ADAMDEC1: variants seen among roughly 807,000 people sequenced by gnomAD.
The protein encoded by ADAMDEC1 is ADAM like decysin 1.
ADAMDEC1 carries 62 observed loss-of-function variants against 60.4 expected under a neutral mutation model. The observed-to-expected ratio is 1.03, with a 90% CI of 0.84 to 1.27. ADAMDEC1 has a LOEUF of 1.27. Ranked by LOEUF, ADAMDEC1 falls within the 50% of genes most tolerant of loss-of-function variation. The pLI is 0.00. For missense variants in ADAMDEC1, 595 were observed against 565.0 expected, an observed-to-expected ratio of 1.05 and a Z score of -0.54; for synonymous variants, 210 against 195.1, an observed-to-expected ratio of 1.08 and a Z score of -0.64.
chr8:24,399,698 G>T (rs1817712678), intron 10 of ADAMDEC1, among the ~76,000 whole-genome samples: 1 of 152,134 alleles, frequency 6.6e-6, no homozygotes, highest in Non-Finnish European at 1.5e-5. Context: ...TTTAGTTCAT[G>T]TTAGAAAATC....
Position 24,397,366 on chromosome 8 carries a change from A to G in ADAMDEC1, c.537A>G (p.Glu179=). 1.2e-6 allele frequency: 2 copies of G among 1,614,122 alleles called. No homozygotes were observed. Among genetic ancestry groups the G allele is most frequent in the East Asian group, 2.2e-5 (1 of 44,874 alleles). ...CCGTCTTTACATCTAACCAGGAGGA[A>G]CAAGACCCAGCTAACCACACATGTG... is the stretch of plus-strand genomic sequence containing the variant. ...EHAVFTSNQE[E]QDPANHTCGV... The change falls in exon 6 of 14, where the codon GAA becomes GAG. Residue 179 remains glutamate, a synonymous_variant. Coordinates refer to ENST00000256412, the MANE Select transcript of ADAMDEC1 (RefSeq NM_014479.3).
chr8:24,398,582 T>G (rs1473809819), intron 8 of ADAMDEC1, 31 bp downstream of exon 8: 1 of 1,485,986 alleles, frequency 6.7e-7, no homozygotes. Flanking sequence ...ACCTCATGTT[T>G]CTGCATAGGG....
At position 24,398,876 on chromosome 8, in the gene ADAMDEC1, A is replaced by T. The variant is rs7001097; in HGVS notation, c.765A>T (p.Ile255=). The T allele has an allele frequency of 3.2e-3, 5,118 of 1,613,282 alleles. 145 individuals are homozygous for T. In the African/African-American group the frequency reaches 0.061, roughly 19 times the overall value. The change falls in exon 9 of 14, where the codon ATA becomes ATT. Residue 255 remains isoleucine, a splice_region_variant and synonymous_variant. Coordinates refer to ENST00000256412, the MANE Select transcript of ADAMDEC1 (RefSeq NM_014479.3). Reference sequence around the variant, plus strand: ...GAAGATAAATGCTCTTTCCACAGATATATAACACCATAGATGTTCAAGTGG... The same window carrying T: ...GAAGATAAATGCTCTTTCCACAGATTTATAACACCATAGATGTTCAAGTGG... The part of the protein sequence containing the change: ...VFDVMNLLNV[I]YNTIDVQVAL...
At chr8:24,391,722 G>C (rs754538229) in intron 1 of ADAMDEC1, among the ~76,000 whole-genome samples, 2 of 152,030 alleles carry the variant, frequency 1.3e-5, no homozygotes, top group Non-Finnish European at 2.9e-5. Context: ...GACACACTGA[G>C]GAATAAAATT....
Position 24,405,615 on chromosome 8 carries a change from T to G in ADAMDEC1, c.*317T>G. On this transcript the variant is annotated 3_prime_UTR_variant, in exon 14 of 14. Transcript: ENST00000256412. ...ATCAAATCACCTTAAAATGCACGGC[T>G]AAACTATTCAGAGTTAACACTCCAG... 3.3e-6 allele frequency: 1 copy of G among 303,784 alleles called. No homozygotes were observed. Among genetic ancestry groups the G allele is most frequent in the East Asian group, 6.3e-5 (1 of 15,784 alleles). The allele number at this position is 303,784 out of a possible 1,614,324, so 18.8% of individuals were successfully genotyped here.
intron 4 of ADAMDEC1, among the ~76,000 whole-genome samples, chr8:24,395,055 A>G (rs924801916): frequency 6.6e-6 from 1 of 152,236 alleles, no homozygotes; most frequent in Non-Finnish European, 1.5e-5. Context: ...CACTCCACGT[A>G]AGTGGCCCCT....
rs765908236 is a variant in ADAMDEC1 at position 24,398,944 on chromosome 8, A to T, written c.833A>T (p.Lys278Met). The stretch of plus-strand genomic sequence containing the variant: ...ATCTGGTCTGATGGGGATAAGATAA[A>T]GGTGGTGCCCAGCGCAAGCACCACG... The part of the protein sequence containing the change: ...MEIWSDGDKI[K>M]VVPSASTTFD... The change falls in exon 9 of 14, where the codon AAG becomes ATG. Residue 278 changes from lysine (K) to methionine (M), a missense_variant. Lys to Met is a moderately conservative substitution (Grantham distance 95). Transcript: ENST00000256412. The T allele has an allele frequency of 1.2e-6, 2 of 1,613,780 alleles. No individual in the cohort carries two copies. Among genetic ancestry groups the T allele is most frequent in the Admixed American group, 1.7e-5 (1 of 59,986 alleles).
At chr8:24,391,296 C>T (rs1206971210) in intron 1 of ADAMDEC1, among the ~76,000 whole-genome samples, 3 of 152,078 alleles carry the variant, frequency 2.0e-5, no homozygotes, top group Non-Finnish European at 4.4e-5. Flanking sequence ...AGAAATAAGA[C>T]TGACCTTGTA....
intron 1 of ADAMDEC1, among the ~76,000 whole-genome samples, chr8:24,391,484 G>C (rs1019451319): frequency 5.3e-5 from 8 of 152,148 alleles, no homozygotes; most frequent in Non-Finnish European, 7.3e-5. Context: ...TAGGGCATAA[G>C]ACCACATCTT....
rs546520323 is a variant in ADAMDEC1, at chr8:24,395,804, C to G, written c.440+8C>G. The G allele has an allele frequency of 1.7e-5, 27 of 1,605,078 alleles. No individual in the cohort carries two copies. Among genetic ancestry groups the G allele is most frequent in the Admixed American group, 3.4e-5 (2 of 59,566 alleles). ...TACTTGTGACGGGTTGAGGTAAGAA[C>G]TACCATCAAAATTACTCAAGATCAA... On this transcript the variant is annotated splice_region_variant and intron_variant, in intron 5 of 13. Coordinates refer to ENST00000256412, the MANE Select transcript of ADAMDEC1 (RefSeq NM_014479.3).
chr8:24,405,455 GTAAT>G lies in ADAMDEC1; in HGVS notation c.*160_*163del. On this transcript the variant is annotated 3_prime_UTR_variant, in exon 14 of 14. Coordinates refer to ENST00000256412, the MANE Select transcript of ADAMDEC1 (RefSeq NM_014479.3). ...CAGTCCAGGAAACAGGTAAACAGAT[GTAAT>G]TAGAGACATTGGCTCTTTGTTTAGG... The G allele has an allele frequency of 2.9e-6, 2 of 693,904 alleles. No individual in the cohort carries two copies. The allele number at this position is 693,904 out of a possible 1,614,324, so 43.0% of individuals were successfully genotyped here. A position where few individuals can be genotyped will look rare whatever the true frequency, so the allele number is the denominator to read the frequency against.
chr8:24,389,579 T>A (rs1817384627), intron 1 of ADAMDEC1, among the ~76,000 whole-genome samples: 1 of 152,166 alleles, frequency 6.6e-6, no homozygotes, highest in Non-Finnish European at 1.5e-5. Context: ...TCAGATTATG[T>A]TACTTCTCTA....
chr8:24,399,279 C>A (rs1349859792), intron 9 of ADAMDEC1, 114 bp from the exon 10 acceptor site: 1 of 1,176,008 alleles, frequency 8.5e-7, no homozygotes, highest in Non-Finnish European at 1.3e-6. Context: ...TTTTTTGGGG[C>A]CTAGTGAATA....
intron 13 of ADAMDEC1, 45 bp from the exon 14 acceptor site, chr8:24,405,247 C>CT: frequency 6.3e-7 from 1 of 1,582,328 alleles, no homozygotes; most frequent in South Asian, 1.1e-5. Flanking sequence ...TATTTTGTAA[C>CT]TTGTAATAAC....
chr8:24,384,875 A>G (rs762537215), intron 1 of ADAMDEC1, among the ~76,000 whole-genome samples: 3 of 152,182 alleles, frequency 2.0e-5, no homozygotes, highest in African/African-American at 7.2e-5. Context: ...TGTTTGCACA[A>G]TATTTTCCAA....
intron 12 of ADAMDEC1, 48 bp from the exon 13 acceptor site, chr8:24,403,955 G>T: frequency 6.6e-7 from 1 of 1,507,662 alleles, no homozygotes; most frequent in Admixed American, 1.7e-5. Context: ...TAGTCTATGG[G>T]AAGAAAATGT....
At chr8:24,393,080 T>C (rs554435974) in intron 2 of ADAMDEC1, among the ~76,000 whole-genome samples, 182 bp from the exon 3 acceptor site, 2 of 152,160 alleles carry the variant, frequency 1.3e-5, no homozygotes, top group East Asian at 3.9e-4. Flanking sequence ...TATCACATAA[T>C]TGTACTTTTT....
chr8:24,395,900 T>C (rs772015185), intron 5 of ADAMDEC1, 104 bp downstream of exon 5: 8 of 775,980 alleles, frequency 1.0e-5, no homozygotes, highest in Non-Finnish European at 1.7e-5. Context: ...AATTTTTCAT[T>C]GCTGAAATGC....
chr8:24,400,223 C>T lies in ADAMDEC1; in HGVS notation c.1065C>T (p.Gly355=), dbSNP rs773340785. 6.2e-7 allele frequency: 1 copy of T among 1,611,432 alleles called. No homozygotes were observed. The highest frequency in any genetic ancestry group is 8.5e-7 in the Non-Finnish European group (1 of 1,178,600). The part of the protein sequence containing the change: ...ALVGVMSHEL[G]HVLGMPDVPF... ...TAGGAGTGATGTCACATGAGCTGGG[C>T]CATGTCCTTGGTATGCCTGATGTTC... The change falls in exon 11 of 14, where the codon GGC becomes GGT. Residue 355 remains glycine (G), a synonymous_variant. Coordinates refer to ENST00000256412, the MANE Select transcript of ADAMDEC1 (RefSeq NM_014479.3).
Sources: allele counts gnomAD v4.1 joint callset (sites outside exome capture counted in the v4.1 genomes callset), GRCh38; gene constraint gnomAD v4.1.1; transcripts MANE v1.5; gene names NCBI Gene and HGNC (gene_info 2026-07-23, HGNC 2026-07-21).